Variants in SYK observed in about 807,000 individuals in gnomAD.
The protein encoded by SYK is spleen associated tyrosine kinase, also known as tyrosine-protein kinase SYK.
Under a neutral mutation model 77.8 loss-of-function variants are expected in SYK, and 16 were observed. The observed-to-expected ratio is 0.21, with a 90% CI of 0.14 to 0.31. SYK has a LOEUF of 0.31. Among genes scored for constraint, SYK ranks in the 10% least tolerant of loss-of-function variants. SYK has a pLI of 1.00. For synonymous variants in SYK, 312 were observed against 308.7 expected (o/e 1.01, Z -0.11); for missense variants, 529 against 814.4 (o/e 0.65, Z 4.26).
chr9:90,865,541 T>C (rs1032109102), intron 6 of SYK, among the ~76,000 whole-genome samples: 2 of 152,132 alleles, frequency 1.3e-5, no homozygotes, highest in African/African-American at 2.4e-5. Flanking sequence ...ATTCCTGGCC[T>C]CAAGTTATCC....
rs199712945 is a variant in SYK, at chr9:90,877,745, A to G, written c.1356A>G (p.Glu452=). The change falls in exon 10 of 14, where the codon GAA becomes GAG. Residue 452 remains glutamate, a synonymous_variant. Coordinates refer to ENST00000375754, the MANE Select transcript of SYK (RefSeq NM_003177.7). ...GGATGCTGGTTATGGAGATGGCAGA[A>G]CTTGGTCCCCTCAATAAGTATTTGC... The part of the protein sequence containing the change: ...ESWMLVMEMA[E]LGPLNKYLQQ... 6.2e-6 allele frequency: 10 copies of G among 1,614,104 alleles called. No homozygotes were observed. The highest frequency in any genetic ancestry group is 7.6e-6 in the Non-Finnish European group (9 of 1,180,026).
At chr9:90,867,001 C>A in intron 6 of SYK, 130 bp from the exon 7 acceptor site, 1 of 927,544 alleles carries the variant, frequency 1.1e-6, no homozygotes, top group Non-Finnish European at 1.7e-6. Context: ...CGTGGTCGAT[C>A]TCATTGGCAG....
intron 1 of SYK, among the ~76,000 whole-genome samples, chr9:90,818,697 A>C (rs535020667): frequency 2.3e-4 from 35 of 152,374 alleles, no homozygotes; most frequent in African/African-American, 8.2e-4. Context: ...TTTACCATTT[A>C]TGCCTTTATT....
At chr9:90,862,017 T>C (rs918481020) in intron 3 of SYK, among the ~76,000 whole-genome samples, 189 bp from the exon 4 acceptor site, 4 of 152,148 alleles carry the variant, frequency 2.6e-5, no homozygotes, top group Non-Finnish European at 5.9e-5. Flanking sequence ...CCCTGAGTGG[T>C]AAACTGGGCC....
intron 3 of SYK, 62 bp from the exon 4 acceptor site, chr9:90,862,144 C>G: frequency 6.5e-7 from 1 of 1,530,954 alleles, no homozygotes; most frequent in African/African-American, 1.4e-5. Context: ...GGTGCTTCCT[C>G]CCAGGGTCCC....
At chr9:90,811,055 T>C (rs1825053088) in intron 1 of SYK, among the ~76,000 whole-genome samples, 1 of 86,094 alleles carries the variant, frequency 1.2e-5, no homozygotes, top group Admixed American at 1.3e-4. Flanking sequence ...AATGAAGCTA[T>C]TAAAAGAAAA....
intron 1 of SYK, among the ~76,000 whole-genome samples, chr9:90,804,796 G>GA (rs1367473980): frequency 2.0e-4 from 31 of 152,074 alleles, no homozygotes; most frequent in Middle Eastern, 6.8e-3. Context: ...TGAATACTAG[G>GA]AAAAAAGGGT....
intron 1 of SYK, among the ~76,000 whole-genome samples, chr9:90,838,526 T>G (rs1355046433): frequency 7.2e-5 from 11 of 152,156 alleles, no homozygotes; most frequent in Admixed American, 7.2e-4. Context: ...GAGCAAGGGA[T>G]TTGCAGTGTT....
At chr9:90,838,081 G>A (rs993211207) in intron 1 of SYK, among the ~76,000 whole-genome samples, 1 of 152,196 alleles carries the variant, frequency 6.6e-6, no homozygotes, top group Non-Finnish European at 1.5e-5. Flanking sequence ...AGTGGCAGGA[G>A]GAGTCAAAAG....
intron 7 of SYK, among the ~76,000 whole-genome samples, chr9:90,872,000 G>T (rs1322442405): frequency 6.6e-6 from 1 of 152,196 alleles, no homozygotes; most frequent in Non-Finnish European, 1.5e-5. Context: ...GCTAGTGAGA[G>T]TATAAATTAT....
At chr9:90,883,547 T>C (rs1478216978) in intron 11 of SYK, among the ~76,000 whole-genome samples, 1 of 152,164 alleles carries the variant, frequency 6.6e-6, no homozygotes, top group African/African-American at 2.4e-5. Flanking sequence ...CTACCCTTTC[T>C]GGTGGTAGGC....
chr9:90,866,547 A>C (rs1393637803), intron 6 of SYK, among the ~76,000 whole-genome samples: 3 of 152,240 alleles, frequency 2.0e-5, no homozygotes, highest in South Asian at 2.1e-4. Flanking sequence ...AGACAGATCC[A>C]TACACCCTTC....
chr9:90,817,003 G>A (rs1054172521), intron 1 of SYK, among the ~76,000 whole-genome samples: 1 of 152,170 alleles, frequency 6.6e-6, no homozygotes, highest in East Asian at 1.9e-4. Flanking sequence ...GTGAAGCATG[G>A]GAGTACAGAT....
chr9:90,886,521 C>T lies in SYK; in HGVS notation c.1582-1228C>T, dbSNP rs149154312. ...GAGATCAAGACCATCCTGGCTAACACGGTGAAACCCTGTCTCTACTAAAAA... is the reference window on the plus strand; with the variant it reads ...GAGATCAAGACCATCCTGGCTAACATGGTGAAACCCTGTCTCTACTAAAAA... On this transcript the variant is annotated intron_variant, in intron 11 of 13. Coordinates refer to ENST00000375754, the MANE Select transcript of SYK (RefSeq NM_003177.7). Among the ~76,000 whole-genome samples the T allele has an allele frequency of 1.6e-4, 25 of 152,138 alleles. No individual in the cohort carries two copies. In the East Asian group the frequency reaches 3.7e-3, roughly 22 times the overall value.
At chr9:90,882,169 G>A (rs2118910646) in intron 11 of SYK, among the ~76,000 whole-genome samples, 1 of 152,212 alleles carries the variant, frequency 6.6e-6, no homozygotes, top group East Asian at 1.9e-4. Flanking sequence ...TTGCATTTAA[G>A]ATTTGTCAAA....
In SYK at chr9:90,897,208, C is replaced by T. The variant is rs1829023365; in HGVS notation, c.*1608C>T. On this transcript the variant is annotated 3_prime_UTR_variant, in exon 14 of 14. Transcript: ENST00000375754. Reference sequence around the variant, plus strand: ...GATGCAAGGCATGGAGAAAGACAATCAGTACCCAAGCTCAGCCACAGAAGA... The same window carrying T: ...GATGCAAGGCATGGAGAAAGACAATTAGTACCCAAGCTCAGCCACAGAAGA... 4.3e-6 allele frequency: 1 copy of T among 230,968 alleles called. No individual in the cohort carries two copies. The highest frequency in any genetic ancestry group is 2.2e-5 in the African/African-American group (1 of 45,216). The allele number at this position is 230,968 out of a possible 1,614,324, so 14.3% of individuals were successfully genotyped here.
At position 90,897,178 on chromosome 9, in the gene SYK, CAG is replaced by C. The variant is rs1392284421; in HGVS notation, c.*1579_*1580del. On this transcript the variant is annotated 3_prime_UTR_variant, in exon 14 of 14. Transcript: ENST00000375754. The stretch of plus-strand genomic sequence containing the variant: ...CCATGGACAGCAGGCCCTCCTCTAA[CAG>C]GGGATGCAAGGCATGGAGAAAGACA... 8.6e-6 allele frequency: 2 copies of C among 231,306 alleles called. No homozygotes were observed. Among genetic ancestry groups the C allele is most frequent in the East Asian group, 6.1e-5 (1 of 16,404 alleles). The allele number at this position is 231,306 out of a possible 1,614,324, so 14.3% of individuals were successfully genotyped here.
chr9:90,810,426 G>A (rs753574957), intron 1 of SYK, among the ~76,000 whole-genome samples: 3 of 152,176 alleles, frequency 2.0e-5, no homozygotes, highest in Admixed American at 6.5e-5. Flanking sequence ...AATCACTGCT[G>A]TAAAGACCCT....
At position 90,844,090 on chromosome 9, in the gene SYK, C is replaced by T. The variant is rs138271353; in HGVS notation, c.192C>T (p.Tyr64=). The part of the protein sequence containing the change: ...SVAHGRKAHH[Y]TIERELNGTY... The stretch of plus-strand genomic sequence containing the variant: ...CCCACGGGAGGAAGGCACACCACTA[C>T]ACCATCGAGCGGGAGCTGAATGGCA... The change falls in exon 2 of 14, where the codon TAC becomes TAT. Residue 64 remains tyrosine (Y), a synonymous_variant. Coordinates refer to ENST00000375754, the MANE Select transcript of SYK (RefSeq NM_003177.7). 181 of 1,612,974 alleles carry T rather than the reference C, an allele frequency of 1.1e-4. 3 individuals are homozygous for T. In the South Asian group the frequency reaches 1.6e-3, roughly 14 times the overall value.
Sources: allele counts gnomAD v4.1 joint callset (sites outside exome capture counted in the v4.1 genomes callset), GRCh38; gene constraint gnomAD v4.1.1; transcripts MANE v1.5; gene names NCBI Gene and HGNC (gene_info 2026-07-23, HGNC 2026-07-21).